AGBL1: variants seen among roughly 807,000 people sequenced by gnomAD.
The protein encoded by AGBL1 is cytosolic carboxypeptidase 4.
A neutral mutation model predicts 118.9 loss-of-function variants in AGBL1; 130 were observed. The observed-to-expected ratio is 1.09, with a 90% CI of 0.95 to 1.26. The LOEUF (loss-of-function observed/expected upper bound fraction) is 1.26, where lower values mean the gene tolerates loss of function less well. AGBL1 is among the 50% of genes most tolerant of loss of function. AGBL1 has a pLI of 0.00. For synonymous variants in AGBL1, 555 were observed against 478.9 expected (o/e 1.16, Z -2.08); for missense variants, 1,584 against 1,298.1 (o/e 1.22, Z -3.38).
At chr15:86,801,325 C>CTATG (rs944478275) in intron 22 of AGBL1, among the ~76,000 whole-genome samples, 7 of 151,056 alleles carry the variant, frequency 4.6e-5, no homozygotes, top group Admixed American at 2.0e-4. Context: ...ATCTATCTAT[C>CTATG]TATCTATCTA....
At chr15:86,916,815 A>G (rs1596631683), downstream of AGBL1, among the ~76,000 whole-genome samples, 1 of 152,202 alleles carries the variant, frequency 6.6e-6, no homozygotes, top group African/African-American at 2.4e-5. Flanking sequence ...GTGAAGAGGC[A>G]GCGTGAGGTG....
At chr15:86,475,654 G>C (rs1409835323) in intron 18 of AGBL1, among the ~76,000 whole-genome samples, 2 of 152,190 alleles carry the variant, frequency 1.3e-5, no homozygotes, top group Non-Finnish European at 2.9e-5. Context: ...CACTCGGCAG[G>C]ATATTATCCA....
chr15:86,770,673 T>A (rs935974621), intron 22 of AGBL1, among the ~76,000 whole-genome samples: 1 of 151,562 alleles, frequency 6.6e-6, no homozygotes, highest in African/African-American at 2.4e-5. Flanking sequence ...AATTAGGAGT[T>A]TTCCAAGTAG....
chr15:86,994,027 G>A (rs74025750), intron 24 of AGBL1, among the ~76,000 whole-genome samples: 14,983 of 152,074 alleles, frequency 0.099, 1,309 homozygotes, highest in African/African-American at 0.23. Context: ...GCTTCATTCA[G>A]TGTGACACAG....
At chr15:86,485,508 A>G (rs1361117004) in intron 18 of AGBL1, among the ~76,000 whole-genome samples, 1 of 152,144 alleles carries the variant, frequency 6.6e-6, no homozygotes, top group Non-Finnish European at 1.5e-5. Flanking sequence ...CTGCTGTTAT[A>G]GTACAGAAGC....
intron 6 of AGBL1, among the ~76,000 whole-genome samples, chr15:86,243,889 G>A (rs1348960060): frequency 1.3e-5 from 2 of 151,788 alleles, no homozygotes; most frequent in African/African-American, 2.4e-5. Flanking sequence ...GTGTAGTGGC[G>A]TGCACCTGGA....
At chr15:86,284,191 TA>T (rs5814235) in intron 16 of AGBL1, among the ~76,000 whole-genome samples, 79,965 of 142,750 alleles carry the variant, frequency 0.56, 22,210 homozygotes, top group Middle Eastern at 0.67. Context: ...AAAATTAAAA[TA>T]AAAAAAAAAA....
intron 18 of AGBL1, among the ~76,000 whole-genome samples, chr15:86,518,474 G>T (rs568945884): frequency 1.6e-4 from 25 of 152,146 alleles, no homozygotes; most frequent in African/African-American, 5.5e-4. Flanking sequence ...GCTGCTGATT[G>T]ACTCTTCGAT....
chr15:86,248,096 C>G (rs1451852282), intron 7 of AGBL1, among the ~76,000 whole-genome samples: 1 of 152,188 alleles, frequency 6.6e-6, no homozygotes, highest in Non-Finnish European at 1.5e-5. Flanking sequence ...GGCAGGTGAT[C>G]ACCTGAAGTC....
intron 21 of AGBL1, among the ~76,000 whole-genome samples, chr15:86,656,416 AAAC>A (rs2085462410): frequency 6.6e-6 from 1 of 152,120 alleles, no homozygotes; most frequent in Admixed American, 6.6e-5. Context: ...TTATGTAGGA[AAAC>A]AACTTCATTA....
At chr15:86,826,639 G>A (rs536959875) in intron 22 of AGBL1, among the ~76,000 whole-genome samples, 7 of 151,986 alleles carry the variant, frequency 4.6e-5, no homozygotes, top group Admixed American at 1.3e-4. Flanking sequence ...TTTCTAAAAC[G>A]CTCCTAGGTG....
chr15:86,445,864 C>T (rs1005647271), intron 18 of AGBL1, among the ~76,000 whole-genome samples: 4 of 152,150 alleles, frequency 2.6e-5, no homozygotes, highest in Non-Finnish European at 5.9e-5. Context: ...GCATTGGGGC[C>T]GTGTAAAAGT....
chr15:86,506,822 CA>C (rs1183506981), intron 18 of AGBL1, among the ~76,000 whole-genome samples: 6 of 151,950 alleles, frequency 3.9e-5, no homozygotes, highest in African/African-American at 1.2e-4. Context: ...TTTATTTCCT[CA>C]AGATTTATTT....
chr15:86,885,647 T>C (rs571506403), intron 22 of AGBL1, among the ~76,000 whole-genome samples: 1 of 152,302 alleles, frequency 6.6e-6, no homozygotes, highest in South Asian at 2.1e-4. Flanking sequence ...GAAAAATGTA[T>C]GTGAAAAAAG....
At chr15:86,446,099 T>C (rs1006031979) in intron 18 of AGBL1, among the ~76,000 whole-genome samples, 1 of 152,040 alleles carries the variant, frequency 6.6e-6, no homozygotes, top group Non-Finnish European at 1.5e-5. Flanking sequence ...TGGGAGAAGA[T>C]AGGAAAATGA....
chr15:86,669,369 T>C (rs928126730), intron 21 of AGBL1, among the ~76,000 whole-genome samples: 2 of 151,990 alleles, frequency 1.3e-5, no homozygotes, highest in Admixed American at 6.6e-5. Flanking sequence ...CAGAATTTAC[T>C]ACAGTGAAAC....
chr15:86,113,287 C>CTTT (rs548790563), intron 1 of AGBL1, among the ~76,000 whole-genome samples: 1 of 97,378 alleles, frequency 1.0e-5, no homozygotes. Context: ...TTCTTTCTTT[C>CTTT]TTTTTTTTTT....
intron 6 of AGBL1, among the ~76,000 whole-genome samples, chr15:86,236,864 C>G (rs1419796972): frequency 6.8e-6 from 1 of 146,048 alleles, no homozygotes; most frequent in Non-Finnish European, 1.5e-5. Context: ...AACTGACCCT[C>G]CCACCCTAGC....
chr15:86,214,335 C>T (rs2078150295), intron 5 of AGBL1, among the ~76,000 whole-genome samples: 1 of 152,164 alleles, frequency 6.6e-6, no homozygotes, highest in Non-Finnish European at 1.5e-5. Context: ...AAGAGTTCAA[C>T]TAAGTGTGTG....
Sources: allele counts gnomAD v4.1 joint callset (sites outside exome capture counted in the v4.1 genomes callset), GRCh38; gene constraint gnomAD v4.1.1; transcripts MANE v1.5; gene names NCBI Gene and HGNC (gene_info 2026-07-23, HGNC 2026-07-21).